UGGT2: variants seen among roughly 807,000 people sequenced by gnomAD.
UGGT2 encodes UDP-glucose:glycoprotein glucosyltransferase 2.
Under a neutral mutation model 192.1 loss-of-function variants are expected in UGGT2, and 180 were observed. That is an observed-to-expected ratio of 0.94 (90% CI 0.83 to 1.06). The LOEUF is 1.06. UGGT2 is among the 50% of genes least tolerant of loss of function. The probability of loss-of-function intolerance (pLI) is 0.00; values close to 1 mark genes in which losing one functional copy is unlikely to be tolerated. For synonymous variants in UGGT2, 580 were observed against 591.0 expected (o/e 0.98, Z 0.27); for missense variants, 1,849 against 1,795.7 (o/e 1.03, Z -0.54).
At chr13:96,022,423 C>G (rs560061845) in intron 4 of UGGT2, among the ~76,000 whole-genome samples, 35 of 151,776 alleles carry the variant, frequency 2.3e-4, no homozygotes, top group Admixed American at 1.7e-3. Context: ...AAATTCAATA[C>G]AAGTATAAGA....
At chr13:95,895,075 T>A in intron 23 of UGGT2, 105 bp downstream of exon 23, 1 of 1,169,852 alleles carries the variant, frequency 8.5e-7, no homozygotes, top group Non-Finnish European at 1.2e-6. Context: ...TGTCTTTTAT[T>A]ATACCTTTAC....
rs1889270816 is a variant in UGGT2, at chr13:95,853,562, CTGTT to C, written c.4261_4264del (p.Asn1421ValfsTer5). On this transcript the variant is annotated frameshift_variant, in exon 36 of 39. Coordinates refer to ENST00000376747, the MANE Select transcript of UGGT2 (RefSeq NM_020121.4). LOFTEE classifies it high-confidence loss of function. ...ACTTACCTGATCTAGGTTTGAAAGA[CTGTT>C]TGGATCTTGACTGAGAGCTTGATAC... 1 of 1,612,678 alleles carries C rather than the reference CTGTT, an allele frequency of 6.2e-7. No individual in the cohort carries two copies. Among genetic ancestry groups the C allele is most frequent in the South Asian group, 1.1e-5 (1 of 90,902 alleles).
rs538346976 is a variant in UGGT2, at chr13:95,904,014, C to T, written c.2296-954G>A. 5.9e-5 allele frequency among the ~76,000 whole-genome samples: 9 copies of T among 152,264 alleles called. No individual in the cohort carries two copies. In the East Asian group the frequency reaches 1.7e-3, roughly 29 times the overall value. ...TGGCTTCTTTTATGACTTGCCTGTT[C>T]AATCTGCTTCCAGTATTTTTTGGAT... On this transcript the variant is annotated intron_variant, in intron 20 of 38. Transcript: ENST00000376747.
chr13:95,944,561 G>T (rs930278679), intron 15 of UGGT2, among the ~76,000 whole-genome samples: 6 of 152,052 alleles, frequency 3.9e-5, no homozygotes, highest in African/African-American at 1.4e-4. Flanking sequence ...TAACCTCTAT[G>T]ATAGTTTGTC....
intron 20 of UGGT2, among the ~76,000 whole-genome samples, chr13:95,914,995 AATGATTAAAATC>A (rs1406369880): frequency 1.3e-5 from 2 of 152,162 alleles, no homozygotes; most frequent in African/African-American, 4.8e-5. Context: ...TCTATGGGTC[AATGATTAAAATC>A]CTAACACTTA....
At chr13:96,016,906 C>A (rs2139089196) in intron 4 of UGGT2, among the ~76,000 whole-genome samples, 1 of 152,304 alleles carries the variant, frequency 6.6e-6, no homozygotes, top group South Asian at 2.1e-4. Context: ...TTGTATCCTG[C>A]AAAGTTAGAG....
chr13:95,861,393 G>A lies in UGGT2; in HGVS notation c.3645-510C>T, dbSNP rs929288009. Among the ~76,000 whole-genome samples, 8 of 152,016 alleles carry A rather than the reference G, an allele frequency of 5.3e-5. No individual in the cohort carries two copies. In the South Asian group the frequency reaches 1.2e-3, roughly 24 times the overall value. ...TGACCAAGCAGATTTTCTCCACCAC[G>A]CAGGGTATGGAGTATGCTCTTGGTA... On this transcript the variant is annotated intron_variant, in intron 31 of 38. Coordinates refer to ENST00000376747, the MANE Select transcript of UGGT2 (RefSeq NM_020121.4).
intron 37 of UGGT2, 50 bp downstream of exon 37, chr13:95,837,036 T>A: frequency 4.5e-6 from 6 of 1,345,604 alleles, no homozygotes; most frequent in Non-Finnish European, 5.3e-6. Context: ...ATATTTCTAT[T>A]TAAACATTTC....
chr13:95,896,001 T>C (rs2140258865), intron 22 of UGGT2, among the ~76,000 whole-genome samples: 1 of 152,160 alleles, frequency 6.6e-6, no homozygotes, highest in South Asian at 2.1e-4. Context: ...TCACAACCAC[T>C]ACTGACTCTA....
chr13:96,023,710 A>G lies in UGGT2; in HGVS notation c.291T>C (p.Phe97=), dbSNP rs761330845. The change falls in exon 3 of 39, where the codon TTT becomes TTC. Residue 97 remains phenylalanine, a synonymous_variant. Coordinates refer to ENST00000376747, the MANE Select transcript of UGGT2 (RefSeq NM_020121.4). ...AAAGGTTGATGTGTAAATTGTCTAG[A>G]AACTGTCCAGCTTTCTTCAGGATTA... ...YNLILKKAGQ[F]LDNLHINLLK... 1 of 1,611,324 alleles carries G rather than the reference A, an allele frequency of 6.2e-7. No individual in the cohort carries two copies. Among genetic ancestry groups the G allele is most frequent in the Non-Finnish European group, 8.5e-7 (1 of 1,177,980 alleles).
rs1417340417 is a variant in UGGT2 at position 95,884,549 on chromosome 13, C to G, written c.3170G>C (p.Gly1057Ala). Reference protein sequence around the residue: ...LLILNMITPEGWLVETVHSNC... With the variant: ...LLILNMITPEAWLVETVHSNC... ...GCTGTGCACTGTTTCAACCAACCAG[C>G]CTTCTGGAGTAATCATGTTGAGGAT... The change falls in exon 27 of 39, where the codon GGC becomes GCC. Residue 1057 changes from glycine to alanine, a missense_variant. Transcript: ENST00000376747. The G allele has an allele frequency of 6.2e-7, 1 of 1,613,824 alleles. No homozygotes were observed. Among genetic ancestry groups the G allele is most frequent in the Non-Finnish European group, 8.5e-7 (1 of 1,179,870 alleles).
chr13:95,958,026 G>A (rs73560864), intron 12 of UGGT2, among the ~76,000 whole-genome samples: 3,211 of 152,192 alleles, frequency 0.021, 111 homozygotes, highest in African/African-American at 0.074. Flanking sequence ...AAGTCACTTC[G>A]TGTTCTAGAA....
chr13:96,036,318 C>T (rs143105311), intron 1 of UGGT2, among the ~76,000 whole-genome samples: 1 of 152,254 alleles, frequency 6.6e-6, no homozygotes, highest in Non-Finnish European at 1.5e-5. Flanking sequence ...AACCCAAACA[C>T]CGCATGTTTT....
At chr13:95,955,642 GC>G (rs2050191136) in intron 12 of UGGT2, among the ~76,000 whole-genome samples, 1 of 151,792 alleles carries the variant, frequency 6.6e-6, no homozygotes, top group Non-Finnish European at 1.5e-5. Flanking sequence ...TCAGAGTTTA[GC>G]CCCACACTCT....
intron 22 of UGGT2, among the ~76,000 whole-genome samples, chr13:95,898,123 G>A (rs937350338): frequency 1.3e-5 from 2 of 151,988 alleles, no homozygotes; most frequent in African/African-American, 2.4e-5. Context: ...GAACCATTCT[G>A]GTCCAAGCCA....
At chr13:95,902,127 G>T (rs777460365) in intron 21 of UGGT2, among the ~76,000 whole-genome samples, 2 of 152,080 alleles carry the variant, frequency 1.3e-5, no homozygotes, top group African/African-American at 2.4e-5. Context: ...AAAAATATAC[G>T]ACCAAGGCTG....
At chr13:96,005,129 C>G (rs937924962) in intron 5 of UGGT2, among the ~76,000 whole-genome samples, 1 of 151,984 alleles carries the variant, frequency 6.6e-6, no homozygotes, top group Non-Finnish European at 1.5e-5. Context: ...GTAGCATATA[C>G]AAAAAGTTTA....
intron 12 of UGGT2, among the ~76,000 whole-genome samples, chr13:95,952,213 A>C (rs73560858): frequency 0.017 from 2,581 of 152,134 alleles, 74 homozygotes; most frequent in African/African-American, 0.059. Context: ...GAAAAAAAAA[A>C]GAAGAAAAAA....
intron 17 of UGGT2, among the ~76,000 whole-genome samples, chr13:95,932,311 TTGTGTGTGTG>T (rs67135742): frequency 5.4e-4 from 75 of 139,506 alleles, no homozygotes; most frequent in South Asian, 3.1e-3. Flanking sequence ...GGTATTTTAT[TTGTGTGTGTG>T]TGTGTGTGTG....
Sources: gnomAD v4.1 joint callset for allele counts (sites outside exome capture counted in the v4.1 genomes callset) on GRCh38, gnomAD v4.1.1 for gene constraint, MANE v1.5 for transcripts, NCBI Gene and HGNC (gene_info 2026-07-23, HGNC 2026-07-21) for gene names.